Variants in HDAC9 observed in about 807,000 individuals in gnomAD.
HDAC9 encodes MEF-2 interacting transcription repressor (MITR) protein.
In HDAC9, 41 loss-of-function variants were observed where a neutral mutation model predicts 139.4. The observed-to-expected ratio is 0.29, with a 90% confidence interval of 0.23 to 0.38. The LOEUF is 0.38. HDAC9 is among the 10% of genes least tolerant of loss of function. The pLI, the probability that HDAC9 is intolerant of heterozygous loss-of-function variation, is 1.00. For synonymous variants in HDAC9, 517 were observed against 476.2 expected (o/e 1.09, Z -1.12); for missense variants, 1,147 against 1,297.0 (o/e 0.88, Z 1.78).
At chr7:18,721,382 G>A (rs538924568) in intron 12 of HDAC9, among the ~76,000 whole-genome samples, 18 of 151,498 alleles carry the variant, frequency 1.2e-4, no homozygotes, top group Non-Finnish European at 2.5e-4. Flanking sequence ...GCAAATTTTG[G>A]AAATAAAAAT....
chr7:18,703,627 T>C (rs1288228809), intron 12 of HDAC9, among the ~76,000 whole-genome samples: 1 of 152,192 alleles, frequency 6.6e-6, no homozygotes, highest in Non-Finnish European at 1.5e-5. Flanking sequence ...AGTGAACTAA[T>C]GCATGCATGT....
chr7:18,214,084 T>C (rs2128170475), intron 2 of HDAC9, among the ~76,000 whole-genome samples: 1 of 152,256 alleles, frequency 6.6e-6, no homozygotes, highest in Middle Eastern at 3.4e-3. Flanking sequence ...TTATACATTA[T>C]TGCATTTAAG....
At chr7:18,676,567 C>G (rs868667947) in intron 12 of HDAC9, among the ~76,000 whole-genome samples, 3 of 152,072 alleles carry the variant, frequency 2.0e-5, no homozygotes, top group Middle Eastern at 3.4e-3. Context: ...GCTATCAAAT[C>G]CTTTTTTAAA....
chr7:18,146,715 A>G (rs17345723), intron 1 of HDAC9, among the ~76,000 whole-genome samples: 6,592 of 152,232 alleles, frequency 0.043, 185 homozygotes, highest in Non-Finnish European at 0.06. Flanking sequence ...AGCGAAAACA[A>G]TTTGGTTCCA....
intron 2 of HDAC9, among the ~76,000 whole-genome samples, chr7:18,518,354 C>T (rs563611914): frequency 5.4e-4 from 82 of 152,172 alleles, no homozygotes; most frequent in Non-Finnish European, 1.1e-3. Flanking sequence ...AGAAAATTGT[C>T]TGCAAACAAA....
chr7:18,727,593 C>A lies in HDAC9; in HGVS notation c.1745C>A (p.Pro582His). The change falls in exon 13 of 26, where the codon CCC (proline) becomes CAC (histidine). Residue 582 changes from proline (P) to histidine (H), a missense_variant. By Grantham distance (77) the Pro-to-His change is moderately conservative (BLOSUM62 -2). Coordinates refer to ENST00000686413, the MANE Select transcript of HDAC9 (RefSeq NM_178425.4). The part of the protein sequence containing the change: ...AAFMQQPFLE[P>H]THTRALSVRQ... ...TCTTGGCAACAGCCTTTCCTGGAACCCACGCACACACGTGCGCTCTCTGTG... is the reference window on the plus strand; with the variant it reads ...TCTTGGCAACAGCCTTTCCTGGAACACACGCACACACGTGCGCTCTCTGTG... 1 of 1,596,586 alleles carries A rather than the reference C, an allele frequency of 6.3e-7. No homozygotes were observed. Among genetic ancestry groups the A allele is most frequent in the Admixed American group, 1.8e-5 (1 of 56,750 alleles).
chr7:18,509,495 G>C, intron 2 of HDAC9: 2 of 949,150 alleles, frequency 2.1e-6, no homozygotes, highest in Non-Finnish European at 2.5e-6. Flanking sequence ...CATTCAATCA[G>C]TATTTATTGA....
intron 2 of HDAC9, among the ~76,000 whole-genome samples, chr7:18,282,236 C>A (rs1416920214): frequency 6.6e-6 from 1 of 152,086 alleles, no homozygotes; most frequent in Non-Finnish European, 1.5e-5. Flanking sequence ...CTGTGCAAGG[C>A]CCTATATATA....
At chr7:18,640,593 GGC>G (rs1036016817) in intron 8 of HDAC9, among the ~76,000 whole-genome samples, 15 of 151,332 alleles carry the variant, frequency 9.9e-5, no homozygotes, top group Admixed American at 8.6e-4. Flanking sequence ...TGCTCCTGGA[GGC>G]ATCATTCTCT....
intron 19 of HDAC9, among the ~76,000 whole-genome samples, chr7:18,831,259 T>C (rs965651416): frequency 1.3e-5 from 2 of 152,298 alleles, no homozygotes; most frequent in African/African-American, 2.4e-5. Context: ...GACTCAAAAG[T>C]AGTGAATTGT....
intron 1 of HDAC9, among the ~76,000 whole-genome samples, chr7:18,113,569 G>T (rs1007063789): frequency 1.3e-5 from 2 of 152,186 alleles, no homozygotes; most frequent in African/African-American, 4.8e-5. Context: ...ATGTTATCCA[G>T]ACTGCTGAAG....
intron 6 of HDAC9, among the ~76,000 whole-genome samples, chr7:18,605,712 G>C (rs537851342): frequency 1.3e-5 from 2 of 152,034 alleles, no homozygotes; most frequent in South Asian, 4.1e-4. Flanking sequence ...ACAGAGTCTT[G>C]TTCTGTCGCC....
rs148865250 is a variant in HDAC9 at position 18,186,884 on chromosome 7, A to G, written c.25+24535A>G. ...CTAATTGGAAGTCTTTATCTCTTTA[A>G]CATGCAGAATAAAAGTAAAACAATA... On this transcript the variant is annotated intron_variant, in intron 2 of 12. Coordinates refer to the HDAC9 transcript ENST00000417496. Among the ~76,000 whole-genome samples the G allele has an allele frequency of 2.1e-3, 313 of 152,340 alleles. 1 individual carries two copies. Among genetic ancestry groups the G allele is most frequent in the Non-Finnish European group, 1.4e-3 (95 of 68,036 alleles).
chr7:18,234,785 G>A (rs1793703920), intron 2 of HDAC9, among the ~76,000 whole-genome samples: 2 of 152,248 alleles, frequency 1.3e-5, no homozygotes, highest in Admixed American at 1.3e-4. Flanking sequence ...AGAAACCACA[G>A]AAGTAAGTTT....
intron 25 of HDAC9, among the ~76,000 whole-genome samples, chr7:18,991,325 G>A (rs931175065): frequency 1.3e-5 from 2 of 152,222 alleles, no homozygotes; most frequent in African/African-American, 4.8e-5. Context: ...TATAAAATCA[G>A]TTTGTGAATA....
chr7:18,590,762 C>T lies in HDAC9; in HGVS notation c.415+276C>T, dbSNP rs527799128. On this transcript the variant is annotated intron_variant, in intron 4 of 25. Transcript: ENST00000686413. ...CCTTAAAAATAATGTAATTCTAAAGCAGTCTAATATATGCCATCTTGTTTA... is the reference window on the plus strand; with the variant it reads ...CCTTAAAAATAATGTAATTCTAAAGTAGTCTAATATATGCCATCTTGTTTA... Among the ~76,000 whole-genome samples, 73 of 152,268 alleles carry T rather than the reference C, an allele frequency of 4.8e-4. 1 individual carries two copies. The South Asian group carries it at 0.013, about 27-fold the overall frequency.
intron 2 of HDAC9, among the ~76,000 whole-genome samples, chr7:18,583,691 C>T (rs1220290787): frequency 1.3e-5 from 2 of 152,138 alleles, no homozygotes; most frequent in Admixed American, 6.5e-5. Context: ...AAGTTCTAGA[C>T]TGCAGTGAGC....
At chr7:18,087,448 C>T (rs758078670) in intron 1 of HDAC9, among the ~76,000 whole-genome samples, 12 of 152,106 alleles carry the variant, frequency 7.9e-5, no homozygotes, top group Non-Finnish European at 1.6e-4. Context: ...GCATGCAGAC[C>T]CTGACATTTG....
rs115502117 is a variant in HDAC9 at position 18,713,528 on chromosome 7, T to C, written c.1732-14052T>C. Among the ~76,000 whole-genome samples the C allele has an allele frequency of 4.7e-3, 712 of 152,260 alleles. 8 individuals are homozygous for C. Among genetic ancestry groups the C allele is most frequent in the African/African-American group, 0.016 (681 of 41,554 alleles). On this transcript the variant is annotated intron_variant, in intron 12 of 25. Coordinates refer to ENST00000686413, the MANE Select transcript of HDAC9 (RefSeq NM_178425.4). ...CACCATGAATATATACCACTCTTAT[T>C]TATCAATTACAATTAATTTTTCAAA...
Sources: gnomAD v4.1 joint callset for allele counts (sites outside exome capture counted in the v4.1 genomes callset) on GRCh38, gnomAD v4.1.1 for gene constraint, MANE v1.5 for transcripts, NCBI Gene and HGNC (gene_info 2026-07-23, HGNC 2026-07-21) for gene names.